ERG: variants seen among roughly 807,000 people sequenced by gnomAD.
ERG encodes the protein ETS transcription factor ERG.
A neutral mutation model predicts 55.3 loss-of-function variants in ERG; 9 were observed. The ratio of observed to expected loss-of-function variants is 0.16; its 90% CI spans 0.10 to 0.28. The LOEUF (loss-of-function observed/expected upper bound fraction) is 0.28. Among genes scored for constraint, ERG ranks in the 10% least tolerant of loss-of-function variants. The pLI is 1.00. For synonymous variants in ERG, 223 were observed against 237.3 expected (o/e 0.94, Z 0.55); for missense variants, 434 against 631.6 (o/e 0.69, Z 3.35).
chr21:38,572,317 A>C (rs1395582117), intron 2 of ERG, among the ~76,000 whole-genome samples: 2 of 150,620 alleles, frequency 1.3e-5, no homozygotes, highest in African/African-American at 4.9e-5. Flanking sequence ...GCAGCAAGCC[A>C]AGATCGCGCC....
intron 1 of ERG, among the ~76,000 whole-genome samples, chr21:38,468,218 T>C (rs1397258453): frequency 1.3e-5 from 2 of 152,156 alleles, no homozygotes; most frequent in Non-Finnish European, 2.9e-5. Flanking sequence ...AGCTCATCAA[T>C]TGCACTTATC....
intron 3 of ERG, among the ~76,000 whole-genome samples, chr21:38,411,152 C>T (rs1031544527): frequency 2.6e-5 from 4 of 152,110 alleles, no homozygotes; most frequent in African/African-American, 9.7e-5. Flanking sequence ...TGATTCACTC[C>T]ATCACAAATG....
chr21:38,639,414 C>T (rs191588759), intron 1 of ERG, among the ~76,000 whole-genome samples: 17 of 148,368 alleles, frequency 1.1e-4, no homozygotes, highest in African/African-American at 3.9e-4. Flanking sequence ...ACAAATAATA[C>T]AGCCATTAAA....
the ERG span, among the ~76,000 whole-genome samples, chr21:38,368,301 T>C: frequency 1.3e-5 from 2 of 152,188 alleles, no homozygotes; most frequent in Non-Finnish European, 2.9e-5. Context: ...ATATATTATC[T>C]TTCTCTGCTT....
At chr21:38,476,078 A>G (rs2059184169) in intron 1 of ERG, among the ~76,000 whole-genome samples, 1 of 152,200 alleles carries the variant, frequency 6.6e-6, no homozygotes, top group Non-Finnish European at 1.5e-5. Flanking sequence ...AATTAAAGAG[A>G]AGCCTGACGT....
chr21:38,373,001 A>C, the ERG span, among the ~76,000 whole-genome samples: 59 of 152,254 alleles, frequency 3.9e-4, no homozygotes, highest in African/African-American at 1.3e-3. Context: ...GTTCTGCTCT[A>C]TCCATAGATC....
intron 2 of ERG, among the ~76,000 whole-genome samples, chr21:38,439,856 G>A (rs762785626): frequency 2.6e-5 from 4 of 152,214 alleles, no homozygotes; most frequent in Non-Finnish European, 5.9e-5. Flanking sequence ...CCACTATTCG[G>A]TTGGGAACTA....
At chr21:38,377,576 TAAA>T (rs1283500146), downstream of ERG, among the ~76,000 whole-genome samples, 1 of 152,226 alleles carries the variant, frequency 6.6e-6, no homozygotes, top group Non-Finnish European at 1.5e-5. Flanking sequence ...TTACTTAAAA[TAAA>T]AAGTTGTTAA....
intron 2 of ERG, among the ~76,000 whole-genome samples, chr21:38,431,844 C>T (rs1353670083): frequency 1.3e-5 from 2 of 152,206 alleles, no homozygotes; most frequent in Admixed American, 1.3e-4. Context: ...CCGCACCGTG[C>T]CAGGCGTAGC....
intron 2 of ERG, among the ~76,000 whole-genome samples, chr21:38,515,355 ACCTG>A (rs2059543760): frequency 6.6e-6 from 1 of 151,960 alleles, no homozygotes; most frequent in African/African-American, 2.4e-5. Context: ...AACACATACA[ACCTG>A]CCAAGATTGA....
In ERG at chr21:38,570,193, A is replaced by G. The variant is rs148835966; in HGVS notation, c.-41+5469T>C. On this transcript the variant is annotated intron_variant, in intron 2 of 8. Coordinates refer to the ERG transcript ENST00000398897. Reference sequence around the variant, plus strand: ...CATGGAGGACCCACTGTGCCACATAAAAACATCACTGTTATTAACTTGTTT... The same window carrying G: ...CATGGAGGACCCACTGTGCCACATAGAAACATCACTGTTATTAACTTGTTT... Among the ~76,000 whole-genome samples the G allele has an allele frequency of 3.3e-5, 5 of 152,284 alleles. 1 individual carries two copies. The highest frequency in any genetic ancestry group is 1.2e-4 in the African/African-American group (5 of 41,558).
At chr21:38,459,768 C>A (rs559806603) in intron 1 of ERG, among the ~76,000 whole-genome samples, 1 of 152,274 alleles carries the variant, frequency 6.6e-6, no homozygotes, top group African/African-American at 2.4e-5. Flanking sequence ...TACTGAACAC[C>A]TTTTCTACTT....
intron 1 of ERG, among the ~76,000 whole-genome samples, chr21:38,633,982 T>C (rs2060372864): frequency 6.6e-6 from 1 of 152,114 alleles, no homozygotes; most frequent in South Asian, 2.1e-4. Context: ...TATAATGGTC[T>C]CAGATTTCCT....
chr21:38,604,858 T>C (rs1478028276), intron 1 of ERG, among the ~76,000 whole-genome samples: 2 of 152,198 alleles, frequency 1.3e-5, no homozygotes, highest in Non-Finnish European at 2.9e-5. Flanking sequence ...CTCATGCTGC[T>C]GCAAGATCTA....
At chr21:38,372,759 A>AT in the ERG span, among the ~76,000 whole-genome samples, 1 of 151,196 alleles carries the variant, frequency 6.6e-6, no homozygotes, top group Non-Finnish European at 1.5e-5. Flanking sequence ...AAGAATTTGT[A>AT]TTTTTTAGTT....
chr21:38,568,161 T>C (rs1054336641), intron 2 of ERG, among the ~76,000 whole-genome samples: 3 of 152,222 alleles, frequency 2.0e-5, no homozygotes, highest in Non-Finnish European at 4.4e-5. Context: ...CTTCCACTGC[T>C]ATATGTAACA....
At chr21:38,641,254 C>T (rs1454607822) in intron 1 of ERG, among the ~76,000 whole-genome samples, 1 of 152,092 alleles carries the variant, frequency 6.6e-6, no homozygotes, top group Admixed American at 6.5e-5. Context: ...GGGATCAATG[C>T]CCTTATAAAA....
At chr21:38,497,479 A>G (rs2059389379) in intron 1 of ERG, among the ~76,000 whole-genome samples, 1 of 152,198 alleles carries the variant, frequency 6.6e-6, no homozygotes, top group Non-Finnish European at 1.5e-5. Flanking sequence ...GTGGCCTTTA[A>G]AACAACTGAA....
upstream of ERG, among the ~76,000 whole-genome samples, chr21:38,585,102 G>T (rs1005757617): frequency 3.3e-5 from 5 of 152,154 alleles, no homozygotes; most frequent in South Asian, 6.2e-4. Context: ...AAAAAAAGAG[G>T]GGACAACATT....
Sources: allele counts gnomAD v4.1 joint callset (sites outside exome capture counted in the v4.1 genomes callset), GRCh38; gene constraint gnomAD v4.1.1; transcripts MANE v1.5; gene names NCBI Gene and HGNC (gene_info 2026-07-23, HGNC 2026-07-21).